SMC2: variants seen among roughly 807,000 people sequenced by gnomAD.
The protein encoded by SMC2 is structural maintenance of chromosomes 2.
Under a neutral mutation model 142.6 loss-of-function variants are expected in SMC2, and 41 were observed. The ratio of observed to expected loss-of-function variants is 0.29; its 90% CI spans 0.22 to 0.37. The LOEUF (loss-of-function observed/expected upper bound fraction) is 0.37, where lower values mean the gene tolerates loss of function less well. SMC2 is among the 10% of genes least tolerant of loss of function. The pLI, the probability that SMC2 is intolerant of heterozygous loss-of-function variation, is 1.00. For synonymous variants in SMC2, 463 were observed against 457.5 expected (o/e 1.01, Z -0.15); for missense variants, 1,265 against 1,373.7 (o/e 0.92, Z 1.25).
chr9:104,097,102 GTTTTCAGCTTGTCAAGGTTTTTTTT>G (rs1203569071), intron 3 of SMC2, among the ~76,000 whole-genome samples: 1 of 128,980 alleles, frequency 7.8e-6, no homozygotes, highest in East Asian at 2.2e-4. Flanking sequence ...GTCAGGCAGT[GTTTTCAGCTTGTCAAGGTTTTTTTT>G]TTTTTTTTTT....
chr9:104,127,262 T>C lies in SMC2; in HGVS notation c.2596-24T>C, dbSNP rs966238750. ...TATTTACATGTTACCTCACCACATA[T>C]TTTCTTTAATTTTTTTGTTTTAGGA... On this transcript the variant is annotated intron_variant, in intron 19 of 24. Transcript: ENST00000374793. 24 of 1,520,402 alleles carry C rather than the reference T, an allele frequency of 1.6e-5. 1 individual carries two copies. Among genetic ancestry groups the C allele is most frequent in the Non-Finnish European group, 1.9e-5 (21 of 1,130,030 alleles). The allele number at this position is 1,520,402 out of a possible 1,614,324, so 94.2% of individuals were successfully genotyped here.
intron 3 of SMC2, among the ~76,000 whole-genome samples, chr9:104,097,883 G>A (rs1830634505): frequency 6.6e-6 from 1 of 152,156 alleles, no homozygotes; most frequent in Admixed American, 6.5e-5. Flanking sequence ...CTTCAATCTG[G>A]TAGATGAGAC....
At chr9:104,126,510 C>A in intron 18 of SMC2, 131 bp from the exon 19 acceptor site, 1 of 578,574 alleles carries the variant, frequency 1.7e-6, no homozygotes, top group Non-Finnish European at 2.8e-6. Context: ...CCTGTACTTT[C>A]GGTAGCTGAG....
In SMC2 at chr9:104,126,643, A is replaced by G; in HGVS notation, c.2454A>G (p.Glu818=). 1 of 1,604,484 alleles carries G rather than the reference A, an allele frequency of 6.2e-7. No individual in the cohort carries two copies. The highest frequency in any genetic ancestry group is 8.5e-7 in the Non-Finnish European group (1 of 1,177,724). ...SSKKMKEKQQ[E]VEAITLELEE... ...CCTGAATACTGTATTTTTTATAGGA[A>G]GTTGAAGCTATCACTCTGGAACTGG... Residue 818 remains glutamate (E), a splice_region_variant and synonymous_variant, in exon 19 of 25, where the codon GAA becomes GAG. Coordinates refer to ENST00000374793, the MANE Select transcript of SMC2 (RefSeq NM_006444.3).
chr9:104,138,809 A>G lies in SMC2; in HGVS notation c.3418-330A>G, dbSNP rs181091945. On this transcript the variant is annotated intron_variant, in intron 24 of 24. Coordinates refer to ENST00000374793, the MANE Select transcript of SMC2 (RefSeq NM_006444.3). Reference sequence around the variant, plus strand: ...TCTGTTTGGGCTAGTGGTGTGCTATAGGAACTTGAAACCTTCTTTGATATT... The same window carrying G: ...TCTGTTTGGGCTAGTGGTGTGCTATGGGAACTTGAAACCTTCTTTGATATT... 3.0e-4 allele frequency among the ~76,000 whole-genome samples: 46 copies of G among 152,300 alleles called. 1 individual carries two copies. The highest frequency in any genetic ancestry group is 4.6e-4 in the Admixed American group (7 of 15,284).
At chr9:104,120,199 G>T in intron 16 of SMC2, 37 bp downstream of exon 16, 1 of 1,516,850 alleles carries the variant, frequency 6.6e-7, no homozygotes, top group Non-Finnish European at 8.9e-7. Context: ...TTAAAGATTT[G>T]CATAGTAGAA....
At position 104,139,304 on chromosome 9, in the gene SMC2, G is replaced by A; in HGVS notation, c.3583G>A (p.Val1195Met). ...SKAKPPKGAHVEV is the reference protein window; with the variant it reads ...SKAKPPKGAHMEV ...GGCAAAACCACCCAAAGGAGCACAT[G>A]TGGAAGTTTAAACTACAAAGTTATT... Residue 1195 changes from valine (V) to methionine (M), a missense_variant, in exon 25 of 25, where the codon GTG becomes ATG. Transcript: ENST00000374793. The A allele has an allele frequency of 6.3e-7, 1 of 1,581,662 alleles. No homozygotes were observed. The highest frequency in any genetic ancestry group is 8.5e-7 in the Non-Finnish European group (1 of 1,170,250).
In SMC2 at chr9:104,113,952, T is replaced by A. The variant is rs1832784036; in HGVS notation, c.1415-12T>A. On this transcript the variant is annotated splice_polypyrimidine_tract_variant and intron_variant, in intron 11 of 24. Transcript: ENST00000374793. ...AAAACTTGGTTTTAATTTATTATGA[T>A]TTATCCTTCAGAAAATAAAGAGGAA... 1 of 1,509,124 alleles carries A rather than the reference T, an allele frequency of 6.6e-7. No individual in the cohort carries two copies. Among genetic ancestry groups the A allele is most frequent in the East Asian group, 2.3e-5 (1 of 43,176 alleles). The allele number at this position is 1,509,124 out of a possible 1,614,324, so 93.5% of individuals were successfully genotyped here.
At chr9:104,113,248 T>A (rs1341429678) in intron 10 of SMC2, 68 bp from the exon 11 acceptor site, 1 of 1,205,144 alleles carries the variant, frequency 8.3e-7, no homozygotes, top group Non-Finnish European at 1.1e-6. Context: ...ATCTGAATCT[T>A]CGGCCATTTA....
chr9:104,128,646 C>T (rs943144475), intron 20 of SMC2, among the ~76,000 whole-genome samples: 1 of 152,124 alleles, frequency 6.6e-6, no homozygotes, highest in African/African-American at 2.4e-5. Context: ...AGACCATATC[C>T]ATGGAATTAA....
At position 104,139,307 on chromosome 9, in the gene SMC2, G is replaced by T; in HGVS notation, c.3586G>T (p.Glu1196Ter). ...KAKPPKGAHV[E>*]V ...AAAACCACCCAAAGGAGCACATGTGGAAGTTTAAACTACAAAGTTATTTCT... is the reference window on the plus strand; with the variant it reads ...AAAACCACCCAAAGGAGCACATGTGTAAGTTTAAACTACAAAGTTATTTCT... The change falls in exon 25 of 25, where the codon GAA (glutamate) becomes TAA (stop). Residue 1196 changes from glutamate (E) to a stop codon, truncating the protein, a stop_gained. Transcript: ENST00000374793. LOFTEE classifies it high-confidence loss of function. 6.3e-7 allele frequency: 1 copy of T among 1,579,146 alleles called. No homozygotes were observed. The highest frequency in any genetic ancestry group is 1.2e-5 in the South Asian group (1 of 83,758).
At chr9:104,132,838 A>AG (rs1835129409) in intron 22 of SMC2, among the ~76,000 whole-genome samples, 1 of 148,752 alleles carries the variant, frequency 6.7e-6, no homozygotes, top group South Asian at 2.1e-4. Context: ...TGGATCTGAG[A>AG]GGTTTTTTTT....
chr9:104,120,069 A>G lies in SMC2; in HGVS notation c.2039A>G (p.Glu680Gly). 6.2e-7 allele frequency: 1 copy of G among 1,613,994 alleles called. No individual in the cohort carries two copies. The highest frequency in any genetic ancestry group is 8.5e-7 in the Non-Finnish European group (1 of 1,179,924). Residue 680 changes from glutamate (E) to glycine (G), a missense_variant, in exon 16 of 25, where the codon GAA (glutamate) becomes GGA (glycine). By Grantham distance (98) the Glu-to-Gly change is moderately conservative (BLOSUM62 -2). Coordinates refer to ENST00000374793, the MANE Select transcript of SMC2 (RefSeq NM_006444.3). ...QAASILTKFQ[E>G]LKDVQDELRI... is the part of the protein sequence containing the mutation. ...GCTTCCATTTTAACCAAGTTTCAAG[A>G]ACTCAAAGATGTTCAGGATGAACTG...
At chr9:104,138,238 A>C (rs1405887877) in intron 24 of SMC2, 73 bp downstream of exon 24, 31 of 1,215,730 alleles carry the variant, frequency 2.5e-5, no homozygotes, top group Non-Finnish European at 3.4e-5. Flanking sequence ...TTTAGTTAGT[A>C]GTCAATGTTA....
At position 104,094,483 on chromosome 9, in the gene SMC2, G is replaced by C. The variant is rs935824985; in HGVS notation, c.-62+6G>C. 2.5e-6 allele frequency: 1 copy of C among 397,320 alleles called. No homozygotes were observed. The highest frequency in any genetic ancestry group is 4.4e-5 in the Admixed American group (1 of 22,668). The allele number at this position is 397,320 out of a possible 1,614,324, so 24.6% of individuals were successfully genotyped here. ...GCCCCTGGCCTGAGGCAGCGGTGAG[G>C]CGTGTGCGTGAGCACGGCCGGTTGG... is the stretch of plus-strand genomic sequence containing the variant. On this transcript the variant is annotated splice_donor_region_variant and intron_variant, in intron 1 of 24. Coordinates refer to ENST00000374793, the MANE Select transcript of SMC2 (RefSeq NM_006444.3).
intron 9 of SMC2, among the ~76,000 whole-genome samples, chr9:104,108,442 T>G (rs760694285): frequency 6.6e-6 from 1 of 152,172 alleles, no homozygotes; most frequent in Non-Finnish European, 1.5e-5. Flanking sequence ...ATAGTGAGCC[T>G]CCTTTTCTAT....
Position 104,102,487 on chromosome 9 carries a change from A to G in SMC2, c.934A>G (p.Lys312Glu). 1.2e-6 allele frequency: 2 copies of G among 1,613,846 alleles called. No homozygotes were observed. The highest frequency in any genetic ancestry group is 1.7e-6 in the Non-Finnish European group (2 of 1,179,812). The change falls in exon 9 of 25, where the codon AAA becomes GAA. Residue 312 changes from lysine (K) to glutamate (E), a missense_variant. Physicochemically the swap from Lys to Glu is moderately conservative, Grantham distance 56. Transcript: ENST00000374793. ...TGCAGAGGCTCAGCGAGTTAATACT[A>G]AATCTCAAAGCGCATTTGATCTCAA... ...ALAEAQRVNT[K>E]SQSAFDLKKK...
chr9:104,103,600 C>T (rs767070310), intron 9 of SMC2, among the ~76,000 whole-genome samples: 3 of 152,170 alleles, frequency 2.0e-5, no homozygotes, highest in African/African-American at 4.8e-5. Flanking sequence ...AGGAATAGGT[C>T]ATCCATGGTA....
At chr9:104,099,732 T>G (rs1270894618) in intron 5 of SMC2, 50 bp downstream of exon 5, 1 of 1,120,176 alleles carries the variant, frequency 8.9e-7, no homozygotes, top group Non-Finnish European at 1.3e-6. Context: ...AGATATTACT[T>G]TAATCTTTCA....
Sources: allele counts gnomAD v4.1 joint callset (sites outside exome capture counted in the v4.1 genomes callset), GRCh38; gene constraint gnomAD v4.1.1; transcripts MANE v1.5; gene names NCBI Gene and HGNC (gene_info 2026-07-23, HGNC 2026-07-21).